Variants in STXBP4 observed in about 807,000 individuals in gnomAD.
The protein encoded by STXBP4 is syntaxin-binding protein 4.
Under a neutral mutation model 76.1 loss-of-function variants are expected in STXBP4, and 55 were observed. That is an observed-to-expected ratio of 0.72 (90% CI 0.58 to 0.91). The LOEUF (loss-of-function observed/expected upper bound fraction) is 0.91, where lower values mean the gene tolerates loss of function less well. Ranked by LOEUF, STXBP4 falls within the 40% of genes least tolerant of loss-of-function variation. STXBP4 has a pLI of 0.00. For missense variants in STXBP4, 618 were observed against 636.9 expected (o/e 0.97, Z 0.32); for synonymous variants, 201 against 220.2 (o/e 0.91, Z 0.77).
chr17:55,166,586 A>C lies in STXBP4; in HGVS notation c.*6675A>C, dbSNP rs2080378435. The C allele has an allele frequency of 6.6e-6, 1 of 152,208 alleles. No homozygotes were observed. The highest frequency in any genetic ancestry group is 6.6e-5 in the Admixed American group (1 of 15,264). The allele number at this position is 152,208 out of a possible 1,614,324, so 9.4% of individuals were successfully genotyped here. A position where few individuals can be genotyped will look rare whatever the true frequency, so the allele number is the denominator to read the frequency against. ...TCCTGCATCAGATTTCTTCTCATAC[A>C]TCAAGATTCTGCTCTCATTTTACCT... On this transcript the variant is annotated 3_prime_UTR_variant, in exon 18 of 18. Coordinates refer to ENST00000376352, the MANE Select transcript of STXBP4 (RefSeq NM_178509.6).
At chr17:54,973,543 AG>A (rs992923232) in intron 1 of STXBP4, among the ~76,000 whole-genome samples, 9 of 152,234 alleles carry the variant, frequency 5.9e-5, no homozygotes, top group African/African-American at 1.9e-4. Flanking sequence ...TGATGATGAA[AG>A]GTCTGTCAAT....
At chr17:55,088,269 A>T (rs562825698) in intron 16 of STXBP4, among the ~76,000 whole-genome samples, 28 of 152,266 alleles carry the variant, frequency 1.8e-4, no homozygotes, top group Non-Finnish European at 3.4e-4. Flanking sequence ...ATTTCAAGTT[A>T]CAATTTGAAA....
chr17:55,186,393 A>G, the STXBP4 span, among the ~76,000 whole-genome samples: 165 of 152,354 alleles, frequency 1.1e-3, no homozygotes, highest in Middle Eastern at 6.8e-3. Flanking sequence ...TAGCCTCATT[A>G]TATATTAATA....
chr17:55,181,370 AC>A, the STXBP4 span, among the ~76,000 whole-genome samples: 1 of 152,250 alleles, frequency 6.6e-6, no homozygotes, highest in Non-Finnish European at 1.5e-5. Context: ...CACCTATGAT[AC>A]AATGAGAGGA....
intron 17 of STXBP4, among the ~76,000 whole-genome samples, chr17:55,151,331 A>G (rs2080215666): frequency 6.6e-6 from 1 of 152,200 alleles, no homozygotes; most frequent in Non-Finnish European, 1.5e-5. Flanking sequence ...AAAACTGTAG[A>G]GAAAAATAAG....
chr17:55,019,116 T>G (rs2078259578), intron 8 of STXBP4, among the ~76,000 whole-genome samples: 2 of 152,258 alleles, frequency 1.3e-5, no homozygotes, highest in Non-Finnish European at 2.9e-5. Flanking sequence ...AGAGTTCTTC[T>G]TGCTTCATAT....
intron 16 of STXBP4, among the ~76,000 whole-genome samples, chr17:55,121,045 A>T (rs968650219): frequency 1.3e-5 from 2 of 152,126 alleles, no homozygotes; most frequent in African/African-American, 4.8e-5. Context: ...CTTCCTTCTA[A>T]CACTAAGCAA....
intron 16 of STXBP4, among the ~76,000 whole-genome samples, chr17:55,110,108 A>G (rs1454432852): frequency 6.6e-6 from 1 of 152,194 alleles, no homozygotes; most frequent in Non-Finnish European, 1.5e-5. Flanking sequence ...GAGGCTGCCC[A>G]CATTACTTGA....
rs1426746176 is a variant in STXBP4, at chr17:54,991,111, A to C, written c.180+154A>C. 5.6e-6 allele frequency: 4 copies of C among 717,248 alleles called. No individual in the cohort carries two copies. In the African/African-American group the frequency reaches 7.4e-5, roughly 13 times the overall value. 44.4% of individuals were successfully genotyped at this position (717,248 alleles called of 1,614,324 possible). A position where few individuals can be genotyped will look rare whatever the true frequency, so the allele number is the denominator to read the frequency against. ...ATTAGAAGATAAGACTATTGCCCTC[A>C]AGGAGCTTTAAACTAAGAAATAAAT... On this transcript the variant is annotated intron_variant, in intron 4 of 17. Coordinates refer to ENST00000376352, the MANE Select transcript of STXBP4 (RefSeq NM_178509.6).
At chr17:55,082,014 T>G (rs908524663) in intron 16 of STXBP4, among the ~76,000 whole-genome samples, 2 of 152,210 alleles carry the variant, frequency 1.3e-5, no homozygotes, top group African/African-American at 4.8e-5. Flanking sequence ...ACTCTTTATT[T>G]TCCTGCAATG....
chr17:55,147,589 T>C (rs1001820696), intron 17 of STXBP4, among the ~76,000 whole-genome samples: 11 of 152,368 alleles, frequency 7.2e-5, no homozygotes, highest in African/African-American at 2.6e-4. Flanking sequence ...TGGATTGATA[T>C]GCCTTTATAT....
chr17:55,000,801 T>C lies in STXBP4; in HGVS notation c.499-7T>C. ...TGACATTGCATGTTCCTCATTTTCT[T>C]TCACAGATAAAAACTGGATACAACA... On this transcript the variant is annotated splice_polypyrimidine_tract_variant and splice_region_variant and intron_variant, in intron 6 of 17. Transcript: ENST00000376352. The C allele has an allele frequency of 6.3e-7, 1 of 1,593,024 alleles. No individual in the cohort carries two copies. Among genetic ancestry groups the C allele is most frequent in the Non-Finnish European group, 8.6e-7 (1 of 1,161,786 alleles).
intron 16 of STXBP4, among the ~76,000 whole-genome samples, chr17:55,136,126 A>G (rs1219842139): frequency 6.6e-6 from 1 of 152,178 alleles, no homozygotes; most frequent in African/African-American, 2.4e-5. Context: ...AATATTTATA[A>G]ACTACCTAGA....
At chr17:55,187,599 A>T in the STXBP4 span, among the ~76,000 whole-genome samples, 2 of 152,132 alleles carry the variant, frequency 1.3e-5, no homozygotes, top group Non-Finnish European at 2.9e-5. Flanking sequence ...GGATTCAGGA[A>T]ATGCACTGAG....
At chr17:55,008,267 CCAGT>C (rs2078045137) in intron 8 of STXBP4, among the ~76,000 whole-genome samples, 1 of 151,812 alleles carries the variant, frequency 6.6e-6, no homozygotes, top group East Asian at 1.9e-4. Context: ...ACTCTACCTT[CCAGT>C]CAGTTTTTGA....
At position 55,056,467 on chromosome 17, in the gene STXBP4, C is replaced by T. The variant is rs188010884; in HGVS notation, c.1011+9313C>T. Among the ~76,000 whole-genome samples the T allele has an allele frequency of 3.9e-5, 6 of 152,206 alleles. No homozygotes were observed. The East Asian group carries it at 1.2e-3, about 29-fold the overall frequency. On this transcript the variant is annotated intron_variant, in intron 12 of 17. Transcript: ENST00000376352. ...AAGTTTCTAATGACTGAATTGAATA[C>T]CAAAAATCTTTTTCTTTTAATGTTT...
intron 8 of STXBP4, among the ~76,000 whole-genome samples, chr17:55,009,714 T>C (rs2078072138): frequency 6.6e-6 from 1 of 152,140 alleles, no homozygotes; most frequent in Admixed American, 6.5e-5. Flanking sequence ...TTGTTAATTT[T>C]ATTTAGTAGA....
chr17:54,980,848 G>C (rs1201382839), intron 1 of STXBP4, among the ~76,000 whole-genome samples: 2 of 152,184 alleles, frequency 1.3e-5, no homozygotes, highest in African/African-American at 4.8e-5. Flanking sequence ...CCCATCTGTG[G>C]CCCATGGGCT....
chr17:55,170,691 A>G lies in STXBP4; in HGVS notation c.*10780A>G, dbSNP rs2080401435. On this transcript the variant is annotated 3_prime_UTR_variant, in exon 18 of 18. Transcript: ENST00000376352. ...GACTGGAAAGATCAGAGATTATGTTATGGCCATGAATGAGGCCTGACCTGC... is the reference window on the plus strand; with the variant it reads ...GACTGGAAAGATCAGAGATTATGTTGTGGCCATGAATGAGGCCTGACCTGC... 6.6e-6 allele frequency: 1 copy of G among 152,214 alleles called. No homozygotes were observed. Among genetic ancestry groups the G allele is most frequent in the African/African-American group, 2.4e-5 (1 of 41,462 alleles). The allele number at this position is 152,214 out of a possible 1,614,324, so 9.4% of individuals were successfully genotyped here. A position where few individuals can be genotyped will look rare whatever the true frequency, so the allele number is the denominator to read the frequency against.
Sources: allele counts gnomAD v4.1 joint callset (sites outside exome capture counted in the v4.1 genomes callset), GRCh38; gene constraint gnomAD v4.1.1; transcripts MANE v1.5; gene names NCBI Gene and HGNC (gene_info 2026-07-23, HGNC 2026-07-21).